Variants in RFTN1 observed in about 807,000 individuals in gnomAD.
RFTN1 encodes the protein raftlin, lipid raft linker 1.
RFTN1 carries 26 observed loss-of-function variants against 46.5 expected under a neutral mutation model. The observed-to-expected ratio is 0.56, with a 90% CI of 0.41 to 0.78. The LOEUF is 0.78. Ranked by LOEUF, RFTN1 falls within the 30% of genes least tolerant of loss-of-function variation. The probability of loss-of-function intolerance (pLI) is 0.00; values close to 1 mark genes in which losing one functional copy is unlikely to be tolerated. For synonymous variants in RFTN1, 261 were observed against 284.2 expected (o/e 0.92, Z 0.82); for missense variants, 693 against 718.7 (o/e 0.96, Z 0.41).
chr3:16,393,518 G>A (rs757617041), intron 4 of RFTN1, among the ~76,000 whole-genome samples: 13 of 152,116 alleles, frequency 8.5e-5, no homozygotes, highest in East Asian at 1.9e-4. Flanking sequence ...GAATTGCTCT[G>A]ACATTTACAT....
At chr3:16,437,109 T>C (rs2125502764) in intron 2 of RFTN1, among the ~76,000 whole-genome samples, 1 of 152,380 alleles carries the variant, frequency 6.6e-6, no homozygotes, top group South Asian at 2.1e-4. Context: ...GCTAAAGTTT[T>C]CTTCACACAG....
At position 16,433,763 on chromosome 3, in the gene RFTN1, C is replaced by A; in HGVS notation, c.332+88G>T. On this transcript the variant is annotated intron_variant, in intron 3 of 9. Coordinates refer to ENST00000334133, the MANE Select transcript of RFTN1 (RefSeq NM_015150.2). The surrounding 1 kb of genome is among the most constrained non-coding windows in gnomAD (Gnocchi z 4.4). ...CTGAGGACAGCATGCAAATTTCAAC[C>A]CCCAACCCCATCCTCTCACTTCCCC... 3 of 1,418,864 alleles carry A rather than the reference C, an allele frequency of 2.1e-6. No individual in the cohort carries two copies. The highest frequency in any genetic ancestry group is 2.3e-5 in the East Asian group (1 of 43,980). The allele number at this position is 1,418,864 out of a possible 1,614,324, so 87.9% of individuals were successfully genotyped here.
intron 3 of RFTN1, among the ~76,000 whole-genome samples, chr3:16,417,050 C>T (rs1181989775): frequency 6.6e-6 from 1 of 150,394 alleles, no homozygotes; most frequent in African/African-American, 2.4e-5. Flanking sequence ...ACTCTGTTGC[C>T]CAGGCTGAAG....
Position 16,418,638 on chromosome 3 carries a change from A to G in RFTN1, c.333-9155T>C, listed in dbSNP as rs1260094860. ...GGAATTTTAAGATTTTTGTTTCCCA[A>G]AGCAACACCAAGCTCAAATAGAATA... On this transcript the variant is annotated intron_variant, in intron 3 of 9. Coordinates refer to ENST00000334133, the MANE Select transcript of RFTN1 (RefSeq NM_015150.2). The surrounding 1 kb of genome is among the most constrained non-coding windows in gnomAD (Gnocchi z 5.0). Among the ~76,000 whole-genome samples, 2 of 152,134 alleles carry G rather than the reference A, an allele frequency of 1.3e-5. No homozygotes were observed. The highest frequency in any genetic ancestry group is 2.9e-5 in the Non-Finnish European group (2 of 68,030).
rs976324222 is a variant in RFTN1 at position 16,353,480 on chromosome 3, C to T, written c.1146+4452G>A. Among the ~76,000 whole-genome samples, 5 of 152,276 alleles carry T rather than the reference C, an allele frequency of 3.3e-5. No homozygotes were observed. Among genetic ancestry groups the T allele is most frequent in the East Asian group, 1.9e-4 (1 of 5,178 alleles). ...TTAGTTCCCCTAAGACAGGGATTCT[C>T]AAGGTGGGGTTCCCACACCAGCAGC... On this transcript the variant is annotated intron_variant, in intron 7 of 9. Transcript: ENST00000334133. The surrounding 1 kb of genome is among the most constrained non-coding windows in gnomAD (Gnocchi z 5.4).
rs79463850 is a variant in RFTN1 at position 16,336,663 on chromosome 3, AT to A, written c.1147-9788del. ...GCTTTCATAATGTTCAAAGAGAATA[AT>A]TTTTTTTTTTTAAAAAAGCTTAGTT... On this transcript the variant is annotated intron_variant, in intron 7 of 9. Coordinates refer to ENST00000334133, the MANE Select transcript of RFTN1 (RefSeq NM_015150.2). This position sits in a 1 kb window ranked among gnomAD's most constrained non-coding sequence, Gnocchi z 6.0. Among the ~76,000 whole-genome samples the A allele has an allele frequency of 1.8e-3, 263 of 149,586 alleles. No individual in the cohort carries two copies. The highest frequency in any genetic ancestry group is 5.7e-3 in the African/African-American group (235 of 40,926).
intron 7 of RFTN1, among the ~76,000 whole-genome samples, chr3:16,340,959 A>G (rs1641752463): frequency 1.3e-5 from 2 of 152,266 alleles, no homozygotes; most frequent in South Asian, 4.1e-4. Context: ...AGACTAAACA[A>G]TAAGACAACA....
chr3:16,372,748 G>A (rs1265936928), intron 5 of RFTN1, among the ~76,000 whole-genome samples: 2 of 152,222 alleles, frequency 1.3e-5, no homozygotes, highest in East Asian at 3.8e-4. Context: ...GAGGAAGACA[G>A]AGACCCTCAG....
At chr3:16,362,637 T>A (rs1405613410) in intron 6 of RFTN1, among the ~76,000 whole-genome samples, 1 of 152,160 alleles carries the variant, frequency 6.6e-6, no homozygotes, top group Non-Finnish European at 1.5e-5. Context: ...ACAGCACACA[T>A]TTCCTCAAGA....
intron 2 of RFTN1, among the ~76,000 whole-genome samples, chr3:16,486,512 A>G (rs1000771173): frequency 1.3e-5 from 2 of 152,038 alleles, no homozygotes; most frequent in Non-Finnish European, 2.9e-5. Context: ...TCCCTCCCAC[A>G]AGTTGTCTCC....
chr3:16,397,026 G>C (rs1450799825), intron 4 of RFTN1, among the ~76,000 whole-genome samples: 1 of 146,648 alleles, frequency 6.8e-6, no homozygotes, highest in Non-Finnish European at 1.5e-5. Flanking sequence ...TTTCACCATT[G>C]CACTCCAGCC....
At chr3:16,326,689 T>C (rs916876318) in intron 8 of RFTN1, 84 bp downstream of exon 8, 1 of 992,766 alleles carries the variant, frequency 1.0e-6, no homozygotes, top group East Asian at 2.6e-5. Flanking sequence ...TTAAATAATT[T>C]ATAGACGTGA....
intron 2 of RFTN1, among the ~76,000 whole-genome samples, chr3:16,469,706 G>A (rs542006962): frequency 3.6e-4 from 55 of 152,336 alleles, no homozygotes; most frequent in African/African-American, 1.2e-3. Flanking sequence ...CACAGAGGAC[G>A]GCCTTGGGCC....
chr3:16,369,573 C>T (rs2073403911), intron 6 of RFTN1, among the ~76,000 whole-genome samples: 1 of 152,196 alleles, frequency 6.6e-6, no homozygotes, highest in Admixed American at 6.5e-5. Flanking sequence ...CAGCACATTA[C>T]TGGGGAGGGG....
intron 7 of RFTN1, among the ~76,000 whole-genome samples, chr3:16,328,923 GCT>G (rs962010224): frequency 2.0e-5 from 3 of 152,200 alleles, no homozygotes; most frequent in Admixed American, 6.5e-5. Context: ...TAAAGGATCA[GCT>G]CTGTTAGAAA....
chr3:16,444,202 G>A (rs896731364), intron 2 of RFTN1, among the ~76,000 whole-genome samples: 1 of 152,180 alleles, frequency 6.6e-6, no homozygotes, highest in Admixed American at 6.5e-5. Context: ...TTTTCCTAAT[G>A]AGTATGATAG....
At position 16,457,803 on chromosome 3, in the gene RFTN1, T is replaced by G. The variant is rs1420266006; in HGVS notation, c.146-23766A>C. Among the ~76,000 whole-genome samples the G allele has an allele frequency of 1.3e-5, 2 of 152,204 alleles. No homozygotes were observed. Among genetic ancestry groups the G allele is most frequent in the African/African-American group, 4.8e-5 (2 of 41,440 alleles). Reference sequence around the variant, plus strand: ...TGAATGTGTCTCCCCCAAATTTATGTGTTGGAAACTTAATCCTCAACGCAG... The same window carrying G: ...TGAATGTGTCTCCCCCAAATTTATGGGTTGGAAACTTAATCCTCAACGCAG... On this transcript the variant is annotated intron_variant, in intron 2 of 9. Coordinates refer to ENST00000334133, the MANE Select transcript of RFTN1 (RefSeq NM_015150.2). The surrounding 1 kb of genome is among the most constrained non-coding windows in gnomAD (Gnocchi z 4.2).
At chr3:16,394,696 G>T (rs578241) in intron 4 of RFTN1, among the ~76,000 whole-genome samples, 139,402 of 152,216 alleles carry the variant, frequency 0.92, 63,899 homozygotes, top group East Asian at 0.98. Context: ...TTATGCACTC[G>T]CCTGTATTGA....
rs1183729279 is a variant in RFTN1 at position 16,342,524 on chromosome 3, T to G, written c.1146+15408A>C. Among the ~76,000 whole-genome samples the G allele has an allele frequency of 6.6e-6, 1 of 152,216 alleles. No individual in the cohort carries two copies. Among genetic ancestry groups the G allele is most frequent in the Non-Finnish European group, 1.5e-5 (1 of 68,042 alleles). ...ACATAGGTCTTTATGTGGACATATG[T>G]TTTCATTTCTCTTAAATATAGGGGT... On this transcript the variant is annotated intron_variant, in intron 7 of 9. Transcript: ENST00000334133. This position sits in a 1 kb window ranked among gnomAD's most constrained non-coding sequence, Gnocchi z 4.0.
Sources: allele counts gnomAD v4.1 joint callset (sites outside exome capture counted in the v4.1 genomes callset), GRCh38; gene constraint gnomAD v4.1.1; non-coding constraint Gnocchi (gnomAD v3.1); transcripts MANE v1.5; gene names NCBI Gene and HGNC (gene_info 2026-07-23, HGNC 2026-07-21).